The following GALNTL6 variants were observed in gnomAD, a reference collection of about 807,000 sequenced individuals.
GALNTL6 encodes polypeptide N-acetylgalactosaminyltransferase like 6.
GALNTL6 carries 46 observed loss-of-function variants against 73.7 expected under a neutral mutation model. That is an observed-to-expected ratio of 0.62 (90% CI 0.49 to 0.80). GALNTL6 has a LOEUF of 0.80. Among genes scored for constraint, GALNTL6 ranks in the 30% least tolerant of loss-of-function variants. The pLI, the probability that GALNTL6 is intolerant of heterozygous loss-of-function variation, is 0.00. For missense variants in GALNTL6, 604 were observed against 755.0 expected, an observed-to-expected ratio of 0.80 and a Z score of 2.34; for synonymous variants, 259 against 263.7, an observed-to-expected ratio of 0.98 and a Z score of 0.17.
chr4:172,614,270 G>A (rs1221660245), intron 5 of GALNTL6, among the ~76,000 whole-genome samples: 4 of 152,062 alleles, frequency 2.6e-5, no homozygotes, highest in African/African-American at 9.7e-5. Context: ...GAAAAAAATT[G>A]TCTCTCTATT....
At chr4:172,564,128 C>T (rs569851213) in intron 5 of GALNTL6, among the ~76,000 whole-genome samples, 2 of 152,174 alleles carry the variant, frequency 1.3e-5, no homozygotes, top group African/African-American at 4.8e-5. Flanking sequence ...GAACTCATTA[C>T]ACTTTTATTC....
chr4:172,242,684 T>C lies in GALNTL6; in HGVS notation c.247+12920T>C, dbSNP rs148610381. Reference sequence around the variant, plus strand: ...GTAGGTTTGAATATCCAAGGTTTTATTGAGTCTTCTGTCATTTTATTCATT... The same window carrying C: ...GTAGGTTTGAATATCCAAGGTTTTACTGAGTCTTCTGTCATTTTATTCATT... On this transcript the variant is annotated intron_variant, in intron 3 of 12. Coordinates refer to ENST00000506823, the MANE Select transcript of GALNTL6 (RefSeq NM_001034845.3). Among the ~76,000 whole-genome samples the C allele has an allele frequency of 7.7e-3, 1,172 of 152,352 alleles. 14 individuals are homozygous for C. The highest frequency in any genetic ancestry group is 0.027 in the African/African-American group (1,113 of 41,590).
chr4:172,455,202 T>C (rs1732349130), intron 5 of GALNTL6, among the ~76,000 whole-genome samples: 1 of 152,164 alleles, frequency 6.6e-6, no homozygotes, highest in Non-Finnish European at 1.5e-5. Flanking sequence ...TTTCTGATGG[T>C]CTTAGCAACC....
At chr4:172,910,832 T>C (rs1377476074) in intron 8 of GALNTL6, among the ~76,000 whole-genome samples, 2 of 152,184 alleles carry the variant, frequency 1.3e-5, no homozygotes, top group African/African-American at 2.4e-5. Flanking sequence ...CCTCACCCCT[T>C]ACACCTCCAA....
intron 9 of GALNTL6, among the ~76,000 whole-genome samples, chr4:172,939,637 A>T (rs1730803813): frequency 6.6e-6 from 1 of 152,200 alleles, no homozygotes; most frequent in Non-Finnish European, 1.5e-5. Flanking sequence ...GGGCCTTGCC[A>T]GTTAGATCAA....
At position 172,823,531 on chromosome 4, in the gene GALNTL6, G is replaced by A. The variant is rs1742058968; in HGVS notation, c.923+9808G>A. ...GGAAGAAGTGGTCAGATAAGGTTGTGTATATTTGAAAAAGGGATGACAGTT... is the reference window on the plus strand; with the variant it reads ...GGAAGAAGTGGTCAGATAAGGTTGTATATATTTGAAAAAGGGATGACAGTT... On this transcript the variant is annotated intron_variant, in intron 7 of 12. Transcript: ENST00000506823. Among the ~76,000 whole-genome samples the A allele has an allele frequency of 2.0e-5, 3 of 152,164 alleles. No individual in the cohort carries two copies. In the South Asian group the frequency reaches 6.2e-4, roughly 31 times the overall value.
rs139562976 is a variant in GALNTL6, at chr4:172,212,297, G to A, written c.139-17359G>A. ...CTGCCTCAGCCTCCTGAGTAACTGG[G>A]ATCACAGGCACATGCCACCACGCCT... On this transcript the variant is annotated intron_variant, in intron 2 of 12. Transcript: ENST00000506823. 4.3e-3 allele frequency among the ~76,000 whole-genome samples: 652 copies of A among 152,130 alleles called. 5 individuals carry two copies. Among genetic ancestry groups the A allele is most frequent in the African/African-American group, 0.015 (624 of 41,482 alleles).
intron 10 of GALNTL6, among the ~76,000 whole-genome samples, chr4:172,966,365 C>T (rs538566726): frequency 6.6e-6 from 1 of 151,828 alleles, no homozygotes; most frequent in African/African-American, 2.4e-5. Context: ...TTCCTGGGGT[C>T]CTGGGATGAA....
chr4:172,413,664 T>C (rs966942353), intron 5 of GALNTL6, among the ~76,000 whole-genome samples: 1 of 151,974 alleles, frequency 6.6e-6, no homozygotes, highest in South Asian at 2.1e-4. Context: ...AGTTTTTTTT[T>C]TTTTTTTTGC....
chr4:171,973,844 T>G (rs2111068591), intron 2 of GALNTL6, among the ~76,000 whole-genome samples: 1 of 152,308 alleles, frequency 6.6e-6, no homozygotes, highest in East Asian at 1.9e-4. Context: ...TTCTTTTAAA[T>G]ATTTTGTAAG....
intron 2 of GALNTL6, among the ~76,000 whole-genome samples, chr4:171,943,562 A>C (rs1738614109): frequency 6.6e-6 from 1 of 152,216 alleles, no homozygotes. Context: ...ACTAGTAGAC[A>C]TGCTAGACCA....
intron 2 of GALNTL6, among the ~76,000 whole-genome samples, chr4:172,074,639 T>A (rs1366690928): frequency 6.6e-6 from 1 of 152,126 alleles, no homozygotes; most frequent in Non-Finnish European, 1.5e-5. Context: ...CCAGGCACTG[T>A]GCAATCATCT....
chr4:172,529,679 GT>G (rs1735102045), intron 5 of GALNTL6, among the ~76,000 whole-genome samples: 1 of 150,928 alleles, frequency 6.6e-6, no homozygotes, highest in Admixed American at 6.6e-5. Context: ...GTTTGTTGTT[GT>G]TGTTGTTGTT....
At position 171,962,765 on chromosome 4, in the gene GALNTL6, C is replaced by CTTTTTTT. The variant is rs139917729; in HGVS notation, c.138+148059_138+148065dup. On this transcript the variant is annotated intron_variant, in intron 2 of 12. Coordinates refer to ENST00000506823, the MANE Select transcript of GALNTL6 (RefSeq NM_001034845.3). ...TACTTTCTTAATAAGCTTGCTTTTACTTTTTTTTTTTTTTTTTTGTGAGAT... is the reference window on the plus strand; with the variant it reads ...TACTTTCTTAATAAGCTTGCTTTTACTTTTTTTTTTTTTTTTTTTTTTTTTGTGAGAT... Among the ~76,000 whole-genome samples, 344 of 113,734 alleles carry CTTTTTTT rather than the reference C, an allele frequency of 3.0e-3. 5 individuals are homozygous for CTTTTTTT. The highest frequency in any genetic ancestry group is 0.015 in the Middle Eastern group (2 of 136). 74.6% of individuals were successfully genotyped at this position (113,734 alleles called of 152,430 possible). A position where few individuals can be genotyped will look rare whatever the true frequency, so the allele number is the denominator to read the frequency against.
intron 5 of GALNTL6, among the ~76,000 whole-genome samples, chr4:172,358,851 A>G (rs1182207754): frequency 8.6e-6 from 1 of 116,486 alleles, no homozygotes; most frequent in Non-Finnish European, 1.7e-5. Flanking sequence ...ATGGCTATTA[A>G]AAAGTCAAAA....
At chr4:172,953,039 T>C (rs1277883548) in intron 10 of GALNTL6, among the ~76,000 whole-genome samples, 1 of 152,194 alleles carries the variant, frequency 6.6e-6, no homozygotes, top group East Asian at 1.9e-4. Context: ...GGCTATGCTA[T>C]GCAGAGTCAT....
chr4:172,180,103 A>G (rs1341919421), intron 2 of GALNTL6, among the ~76,000 whole-genome samples: 1 of 152,160 alleles, frequency 6.6e-6, no homozygotes, highest in Admixed American at 6.5e-5. Flanking sequence ...CCTCTCCAGC[A>G]TCTGTTGTTT....
chr4:172,668,081 T>C (rs1235568701), intron 5 of GALNTL6: 1 of 152,156 alleles, frequency 6.6e-6, no homozygotes, highest in Non-Finnish European at 1.5e-5. Flanking sequence ...TTGGAGAGTT[T>C]GAGAAGGTAT....
At chr4:172,347,808 A>G (rs978519448) in intron 4 of GALNTL6, among the ~76,000 whole-genome samples, 3 of 152,202 alleles carry the variant, frequency 2.0e-5, no homozygotes, top group Non-Finnish European at 4.4e-5. Flanking sequence ...TAAAAATAAT[A>G]AATTATTAGG....
Sources: gnomAD v4.1 joint callset for allele counts (sites outside exome capture counted in the v4.1 genomes callset) on GRCh38, gnomAD v4.1.1 for gene constraint, MANE v1.5 for transcripts, NCBI Gene and HGNC (gene_info 2026-07-23, HGNC 2026-07-21) for gene names.